Variants in TMEM267 observed in about 807,000 individuals in gnomAD.
TMEM267 encodes the protein transmembrane protein 267, also known as transmembrane protein C5orf28.
In TMEM267, 20 loss-of-function variants were observed where a neutral mutation model predicts 19.3. The ratio of observed to expected loss-of-function variants is 1.04; its 90% CI spans 0.73 to 1.51. The LOEUF is 1.51. Ranked by LOEUF, TMEM267 falls within the 40% of genes most tolerant of loss-of-function variation. The probability of loss-of-function intolerance (pLI) is 0.00; values close to 1 mark genes in which losing one functional copy is unlikely to be tolerated. For synonymous variants in TMEM267, 88 were observed against 90.3 expected, an observed-to-expected ratio of 0.97 and a Z score of 0.15; for missense variants, 242 against 261.9, an observed-to-expected ratio of 0.92 and a Z score of 0.52.
At chr5:43,476,508 CTTTTTTTTT>C (rs67848213) in intron 1 of TMEM267, among the ~76,000 whole-genome samples, 35 of 54,824 alleles carry the variant, frequency 6.4e-4, no homozygotes, top group African/African-American at 2.3e-3. Context: ...AAAGCCAGAC[CTTTTTTTTT>C]TTTTTTTTTT....
chr5:43,464,756 T>C (rs1743529532), intron 1 of TMEM267, among the ~76,000 whole-genome samples: 1 of 152,364 alleles, frequency 6.6e-6, no homozygotes, highest in Admixed American at 6.5e-5. Flanking sequence ...TAGCCATATG[T>C]AGAAAGCTGA....
At chr5:43,450,910 T>C (rs1469331150) in intron 2 of TMEM267, among the ~76,000 whole-genome samples, 3 of 152,040 alleles carry the variant, frequency 2.0e-5, no homozygotes, top group Non-Finnish European at 2.9e-5. Flanking sequence ...TCTTGGCTCA[T>C]TGCAACCTCC....
intron 1 of TMEM267, among the ~76,000 whole-genome samples, chr5:43,477,993 C>CGATGGGTT (rs1186914131): frequency 6.6e-6 from 1 of 152,106 alleles, no homozygotes; most frequent in African/African-American, 2.4e-5. Context: ...TTTTGACTTA[C>CGATGGGTT]GATGGGTTTA....
At chr5:43,479,128 T>C (rs556733425) in intron 1 of TMEM267, among the ~76,000 whole-genome samples, 1 of 152,142 alleles carries the variant, frequency 6.6e-6, no homozygotes. Flanking sequence ...GTGAAATAAA[T>C]TCCACAAATA....
chr5:43,455,444 C>G (rs751864670), intron 1 of TMEM267, among the ~76,000 whole-genome samples: 10 of 151,538 alleles, frequency 6.6e-5, no homozygotes, highest in Admixed American at 1.3e-4. Flanking sequence ...CTACAGTAAT[C>G]AAAACAGTGT....
At chr5:43,470,637 C>G (rs1744010598) in intron 1 of TMEM267, among the ~76,000 whole-genome samples, 1 of 152,118 alleles carries the variant, frequency 6.6e-6, no homozygotes, top group Non-Finnish European at 1.5e-5. Context: ...TTCACAACAC[C>G]AAATGGGGGA....
At chr5:43,469,136 AT>A (rs2112152047) in intron 1 of TMEM267, among the ~76,000 whole-genome samples, 1 of 152,304 alleles carries the variant, frequency 6.6e-6, no homozygotes, top group African/African-American at 2.4e-5. Flanking sequence ...CGTATGAACA[AT>A]TTAACAGTGC....
At chr5:43,449,790 T>C (rs1742472005) in intron 2 of TMEM267, among the ~76,000 whole-genome samples, 1 of 152,190 alleles carries the variant, frequency 6.6e-6, no homozygotes, top group African/African-American at 2.4e-5. Flanking sequence ...TTCAACAGGA[T>C]GGGATTAAGG....
intron 2 of TMEM267, among the ~76,000 whole-genome samples, chr5:43,452,927 T>G (rs544888753): frequency 1.2e-4 from 18 of 152,370 alleles, no homozygotes; most frequent in African/African-American, 4.3e-4. Flanking sequence ...TCTATGAGTT[T>G]AGATTTCTTT....
chr5:43,478,315 A>G (rs1014983583), intron 1 of TMEM267, among the ~76,000 whole-genome samples: 10 of 152,212 alleles, frequency 6.6e-5, no homozygotes, highest in African/African-American at 2.4e-4. Flanking sequence ...TTCTCTGATT[A>G]AATTAAGAAA....
chr5:43,455,995 C>CT (rs879869645), intron 1 of TMEM267, among the ~76,000 whole-genome samples: 127 of 143,516 alleles, frequency 8.8e-4, no homozygotes, highest in South Asian at 2.9e-3. Context: ...GTCACCATGC[C>CT]TTTTTTTTTT....
At chr5:43,483,603 G>A (rs960494440) in intron 1 of TMEM267, among the ~76,000 whole-genome samples, 3 of 152,216 alleles carry the variant, frequency 2.0e-5, no homozygotes, top group Non-Finnish European at 2.9e-5. Context: ...GCAGACCCCA[G>A]GGCCGCGGGA....
rs756544607 is a variant in TMEM267 at position 43,446,401 on chromosome 5, T to C, written c.469A>G (p.Ile157Val). The C allele has an allele frequency of 6.2e-7, 1 of 1,614,142 alleles. No homozygotes were observed. The highest frequency in any genetic ancestry group is 1.1e-5 in the South Asian group (1 of 91,084). ...MLFISWTSHHIRDGIRHGLWI... is the reference protein window; with the variant it reads ...MLFISWTSHHVRDGIRHGLWI... The stretch of plus-strand genomic sequence containing the variant: ...AAACCATGACGAATCCCATCTCGGA[T>C]ATGATGTGAAGTCCAGGATATAAAT... The change falls in exon 3 of 3, where the codon ATC becomes GTC. Residue 157 changes from isoleucine to valine, a missense_variant. By Grantham distance (29) the Ile-to-Val change is conservative. Coordinates refer to ENST00000397080, the MANE Select transcript of TMEM267 (RefSeq NM_022483.5).
chr5:43,462,112 A>C (rs1335067607), intron 1 of TMEM267, among the ~76,000 whole-genome samples: 1 of 152,234 alleles, frequency 6.6e-6, no homozygotes, highest in African/African-American at 2.4e-5. Flanking sequence ...TTTGAGGGAA[A>C]GTAAAGGAAG....
intron 1 of TMEM267, among the ~76,000 whole-genome samples, chr5:43,480,499 T>C (rs532837119): frequency 6.6e-6 from 1 of 151,794 alleles, no homozygotes; most frequent in Non-Finnish European, 1.5e-5. Context: ...TTTTTCTTTT[T>C]TTTTTAAGAG....
chr5:43,466,136 A>G (rs1008972038), intron 1 of TMEM267, among the ~76,000 whole-genome samples: 17 of 152,126 alleles, frequency 1.1e-4, no homozygotes, highest in African/African-American at 3.6e-4. Context: ...TCGCTATCCA[A>G]GTACAAGAAG....
chr5:43,468,653 A>G (rs1026093935), intron 1 of TMEM267, among the ~76,000 whole-genome samples: 1 of 152,200 alleles, frequency 6.6e-6, no homozygotes, highest in Non-Finnish European at 1.5e-5. Flanking sequence ...CCTTGGCAAA[A>G]TAAACTTTCT....
chr5:43,467,146 C>CAAAA lies in TMEM267; in HGVS notation c.-74-13107_-74-13104dup, dbSNP rs70994698. The stretch of plus-strand genomic sequence containing the variant: ...TCTGGGCAACAGAGAGAGACTCTGT[C>CAAAA]AAAAAAAAAAAAAAAAAAAAAAGAA... On this transcript the variant is annotated intron_variant, in intron 1 of 2. Coordinates refer to ENST00000397080, the MANE Select transcript of TMEM267 (RefSeq NM_022483.5). 1.2e-3 allele frequency among the ~76,000 whole-genome samples: 56 copies of CAAAA among 48,290 alleles called. No individual in the cohort carries two copies. In the Middle Eastern group the frequency reaches 0.028, roughly 24 times the overall value. The allele number at this position is 48,290 out of a possible 152,430, so 31.7% of individuals were successfully genotyped here.
chr5:43,461,311 G>A (rs1018218952), intron 1 of TMEM267, among the ~76,000 whole-genome samples: 5 of 152,292 alleles, frequency 3.3e-5, no homozygotes, highest in East Asian at 3.9e-4. Flanking sequence ...AGGGCCTTGC[G>A]TGAGCCTCTG....
Sources: gnomAD v4.1 joint callset for allele counts (sites outside exome capture counted in the v4.1 genomes callset) on GRCh38, gnomAD v4.1.1 for gene constraint, MANE v1.5 for transcripts, NCBI Gene and HGNC (gene_info 2026-07-23, HGNC 2026-07-21) for gene names.